Variants in PDILT observed in about 807,000 individuals in gnomAD.
The protein encoded by PDILT is protein disulfide-isomerase-like protein of the testis.
In PDILT, 43 loss-of-function variants were observed where a neutral mutation model predicts 53.7. That is an observed-to-expected ratio of 0.80 (90% CI 0.63 to 1.03). The LOEUF is 1.03. PDILT is among the 50% of genes least tolerant of loss of function. The pLI, the probability that PDILT is intolerant of heterozygous loss-of-function variation, is 0.00. For missense variants in PDILT, 727 were observed against 712.3 expected (o/e 1.02, Z -0.24); for synonymous variants, 282 against 274.2 (o/e 1.03, Z -0.28).
chr16:20,363,448 AGT>A (rs1387449453), intron 9 of PDILT, among the ~76,000 whole-genome samples: 1 of 141,406 alleles, frequency 7.1e-6, no homozygotes, highest in East Asian at 2.0e-4. Flanking sequence ...TCTTCCAAAA[AGT>A]GTGTGTGTGT....
rs1289625086 is a variant in PDILT at position 20,367,095 on chromosome 16, CTTTCT to C, written c.1117-1560_1117-1556del. On this transcript the variant is annotated intron_variant, in intron 8 of 11. Transcript: ENST00000302451. ...TCTTTCTTTCTTTCTTTCTTTCTTT[CTTTCT>C]TTCTTCCTTTCTTTCCTTTTGAGAC... 1.4e-4 allele frequency among the ~76,000 whole-genome samples: 13 copies of C among 89,856 alleles called. 1 individual carries two copies. Among genetic ancestry groups the C allele is most frequent in the African/African-American group, 5.6e-4 (12 of 21,284 alleles). The allele number at this position is 89,856 out of a possible 152,430, so 58.9% of individuals were successfully genotyped here. A position where few individuals can be genotyped will look rare whatever the true frequency, so the allele number is the denominator to read the frequency against.
chr16:20,367,060 T>A (rs1046673107), intron 8 of PDILT, among the ~76,000 whole-genome samples: 1 of 121,090 alleles, frequency 8.3e-6, no homozygotes, highest in South Asian at 2.8e-4. Flanking sequence ...TCTTTCTTTC[T>A]TTCTTTCTTT....
Position 20,399,181 on chromosome 16 carries a change from C to T in PDILT, c.120G>A (p.Leu40=). ...SIHITKPVHI[L]EERSLLVLTP... is the part of the protein sequence containing the mutation. ...TTAGCACTAGGAGACTGCGTTCCTC[C>T]AGGATGTGCACAGGCTTGGTTATGT... The change falls in exon 2 of 12, where the codon CTG becomes CTA. Residue 40 remains leucine (L), a synonymous_variant. Transcript: ENST00000302451. The T allele has an allele frequency of 6.2e-7, 1 of 1,614,150 alleles. No individual in the cohort carries two copies. The highest frequency in any genetic ancestry group is 1.1e-5 in the South Asian group (1 of 91,078).
At chr16:20,383,369 C>G (rs943149806) in intron 3 of PDILT, among the ~76,000 whole-genome samples, 3 of 152,140 alleles carry the variant, frequency 2.0e-5, no homozygotes, top group African/African-American at 7.2e-5. Flanking sequence ...GTCAGCGAGT[C>G]CCCCTTGTTG....
chr16:20,364,610 AAG>A (rs1475439599), intron 9 of PDILT, among the ~76,000 whole-genome samples: 1 of 152,204 alleles, frequency 6.6e-6, no homozygotes, highest in Non-Finnish European at 1.5e-5. Flanking sequence ...GTTAAAATAA[AAG>A]AAATGTCTGA....
At chr16:20,394,500 G>A (rs1307777208) in intron 2 of PDILT, among the ~76,000 whole-genome samples, 3 of 152,274 alleles carry the variant, frequency 2.0e-5, no homozygotes, top group Admixed American at 6.5e-5. Context: ...AGATAAGCAC[G>A]GCTATAGGGC....
Position 20,374,966 on chromosome 16 carries a change from G to A in PDILT, c.544-7C>T, listed in dbSNP as rs1296262494. 1 of 1,598,738 alleles carries A rather than the reference G, an allele frequency of 6.3e-7. No homozygotes were observed. Among genetic ancestry groups the A allele is most frequent in the Non-Finnish European group, 8.5e-7 (1 of 1,170,642 alleles). On this transcript the variant is annotated splice_region_variant and splice_polypyrimidine_tract_variant and intron_variant, in intron 4 of 11. Coordinates refer to ENST00000302451, the MANE Select transcript of PDILT (RefSeq NM_174924.2). ...CTACTTCTTCCTCTAAATCCTATTT[G>A]GGAAAGGATGTTTGGAAAGGCTTTG...
At chr16:20,395,518 C>T (rs1388781315) in intron 2 of PDILT, among the ~76,000 whole-genome samples, 1 of 152,210 alleles carries the variant, frequency 6.6e-6, no homozygotes, top group East Asian at 1.9e-4. Flanking sequence ...TTGTCCCTGA[C>T]ACTGTGGAGT....
At chr16:20,382,069 TTAAGGTTTTTGTA>T (rs1294879916) in intron 3 of PDILT, among the ~76,000 whole-genome samples, 1 of 152,068 alleles carries the variant, frequency 6.6e-6, no homozygotes. Flanking sequence ...TGGCTAAGTT[TTAAGGTTTTTGTA>T]GAGACAGGGT....
chr16:20,379,148 G>A (rs775453072), intron 3 of PDILT, among the ~76,000 whole-genome samples: 1 of 152,100 alleles, frequency 6.6e-6, no homozygotes, highest in African/African-American at 2.4e-5. Context: ...TGAGTAGCTG[G>A]GACTACAGGC....
At chr16:20,388,608 TC>T (rs1966568842) in intron 2 of PDILT, among the ~76,000 whole-genome samples, 1 of 152,202 alleles carries the variant, frequency 6.6e-6, no homozygotes, top group South Asian at 2.1e-4. Context: ...CTGGCTTCTT[TC>T]TTTAAAAATT....
chr16:20,399,150 C>T lies in PDILT; in HGVS notation c.151G>A (p.Ala51Thr), dbSNP rs372343696. Reference protein sequence around the residue: ...EERSLLVLTPAGLTQMLNQTR... With the variant: ...EERSLLVLTPTGLTQMLNQTR... Reference sequence around the variant, plus strand: ...TGGTTCAGCATCTGGGTCAGGCCAGCGGGCGTTAGCACTAGGAGACTGCGT... The same window carrying T: ...TGGTTCAGCATCTGGGTCAGGCCAGTGGGCGTTAGCACTAGGAGACTGCGT... The change falls in exon 2 of 12, where the codon GCT becomes ACT. Residue 51 changes from alanine to threonine, a missense_variant. Coordinates refer to ENST00000302451, the MANE Select transcript of PDILT (RefSeq NM_174924.2). The T allele has an allele frequency of 5.0e-6, 8 of 1,614,186 alleles. No individual in the cohort carries two copies. In the East Asian group the frequency reaches 8.9e-5, roughly 18 times the overall value.
In PDILT at chr16:20,373,196, C is replaced by T. The variant is rs1281284556; in HGVS notation, c.682-74G>A. On this transcript the variant is annotated intron_variant, in intron 5 of 11. Transcript: ENST00000302451. ...AGCCACTTAATAAATATAAATAGCA[C>T]AATTTTCTCCTTGGATAAAAGGAAA... The T allele has an allele frequency of 2.5e-6, 3 of 1,222,436 alleles. No individual in the cohort carries two copies. In the African/African-American group the frequency reaches 4.5e-5, roughly 18 times the overall value. The allele number at this position is 1,222,436 out of a possible 1,614,324, so 75.7% of individuals were successfully genotyped here.
chr16:20,368,607 G>C (rs1377120184), intron 8 of PDILT, among the ~76,000 whole-genome samples: 1 of 110,078 alleles, frequency 9.1e-6, no homozygotes, highest in African/African-American at 2.9e-5. Flanking sequence ...TTTTTGGGGG[G>C]GTGGTGCTGG....
chr16:20,363,910 C>G (rs1966150921), intron 9 of PDILT, among the ~76,000 whole-genome samples: 2 of 152,306 alleles, frequency 1.3e-5, no homozygotes, highest in African/African-American at 4.8e-5. Context: ...GAAAGCAAAT[C>G]TTTCCTGCTT....
chr16:20,384,660 G>A lies in PDILT; in HGVS notation c.394C>T (p.Pro132Ser). ...KLFFEGNRSE[P>S]ISCKGVVESA... Reference sequence around the variant, plus strand: ...GCACCATTACCTTTGCAGCTGATGGGCTCTGACCTGTTGCCCTCAAAAAAC... The same window carrying A: ...GCACCATTACCTTTGCAGCTGATGGACTCTGACCTGTTGCCCTCAAAAAAC... Residue 132 changes from proline to serine, a missense_variant, in exon 3 of 12, where the codon CCC (proline) becomes TCC (serine). Pro to Ser is a moderately conservative substitution (Grantham distance 74). Coordinates refer to ENST00000302451, the MANE Select transcript of PDILT (RefSeq NM_174924.2). 1 of 1,614,140 alleles carries A rather than the reference G, an allele frequency of 6.2e-7. No individual in the cohort carries two copies. The highest frequency in any genetic ancestry group is 8.5e-7 in the Non-Finnish European group (1 of 1,180,016).
intron 3 of PDILT, among the ~76,000 whole-genome samples, chr16:20,378,493 G>A (rs1205495200): frequency 2.0e-5 from 3 of 151,976 alleles, no homozygotes; most frequent in Non-Finnish European, 4.4e-5. Context: ...TGTAGAACAT[G>A]CAGGTCTGTT....
At chr16:20,404,027 T>A (rs76176496) in intron 1 of PDILT, among the ~76,000 whole-genome samples, 1 of 152,340 alleles carries the variant, frequency 6.6e-6, no homozygotes, top group Non-Finnish European at 1.5e-5. Flanking sequence ...ATATTTTGTA[T>A]TATTATTTAT....
chr16:20,359,767 A>G (rs564742166), intron 11 of PDILT, among the ~76,000 whole-genome samples, 200 bp from the exon 12 acceptor site: 1 of 152,308 alleles, frequency 6.6e-6, no homozygotes, highest in East Asian at 1.9e-4. Flanking sequence ...AAAGTGCCCA[A>G]CTGTGGTTTC....
Sources: allele counts gnomAD v4.1 joint callset (sites outside exome capture counted in the v4.1 genomes callset), GRCh38; gene constraint gnomAD v4.1.1; transcripts MANE v1.5; gene names NCBI Gene and HGNC (gene_info 2026-07-23, HGNC 2026-07-21).